RAD51B: variants seen among roughly 807,000 people sequenced by gnomAD.
The protein encoded by RAD51B is RAD51 paralog B.
In RAD51B, 38 loss-of-function variants were observed where a neutral mutation model predicts 42.2. The ratio of observed to expected loss-of-function variants is 0.90; its 90% confidence interval spans 0.70 to 1.18. The LOEUF is 1.18. Ranked by LOEUF, RAD51B falls within the 50% of genes most tolerant of loss-of-function variation. The pLI is 0.00. For missense variants in RAD51B, 373 were observed against 400.7 expected (o/e 0.93, Z 0.59); for synonymous variants, 154 against 145.2 (o/e 1.06, Z -0.43).
intron 10 of RAD51B, among the ~76,000 whole-genome samples, chr14:68,556,049 C>A (rs1594969719): frequency 6.6e-6 from 1 of 152,234 alleles, no homozygotes; most frequent in South Asian, 2.1e-4. Flanking sequence ...ACAGTGAGTT[C>A]CTATTATGAG....
At chr14:68,354,658 T>C (rs2082860952) in intron 8 of RAD51B, among the ~76,000 whole-genome samples, 1 of 152,148 alleles carries the variant, frequency 6.6e-6, no homozygotes, top group South Asian at 2.1e-4. Context: ...CACTTGAGTC[T>C]GGGAGTCCAA....
chr14:67,952,176 C>CA (rs1431480651), intron 7 of RAD51B, among the ~76,000 whole-genome samples: 3 of 147,656 alleles, frequency 2.0e-5, no homozygotes, highest in Admixed American at 1.3e-4. Flanking sequence ...AATTGTTACA[C>CA]AAACCATATG....
Position 67,989,600 on chromosome 14 carries a change from A to G in RAD51B, c.756+102396A>G, listed in dbSNP as rs141227784. Among the ~76,000 whole-genome samples the G allele has an allele frequency of 7.6e-3, 1,083 of 143,260 alleles. 33 individuals are homozygous for G. The highest frequency in any genetic ancestry group is 0.063 in the Admixed American group (852 of 13,624). The allele number at this position is 143,260 out of a possible 152,430, so 94.0% of individuals were successfully genotyped here. A position where few individuals can be genotyped will look rare whatever the true frequency, so the allele number is the denominator to read the frequency against. ...TGGTGACCCAAGATCATGCCATTGC[A>G]CTCCAGGCTGGGCAACAAGAGCGAA... is the stretch of plus-strand genomic sequence containing the variant. On this transcript the variant is annotated intron_variant, in intron 7 of 10. Coordinates refer to ENST00000471583, the MANE Select transcript of RAD51B (RefSeq NM_133510.4).
Position 68,056,431 on chromosome 14 carries a change from G to A in RAD51B, c.756+169227G>A, listed in dbSNP as rs2076476487. Among the ~76,000 whole-genome samples the A allele has an allele frequency of 2.0e-5, 3 of 151,876 alleles. No individual in the cohort carries two copies. The South Asian group carries it at 6.2e-4, about 31-fold the overall frequency. ...CCCAAAGTGCTGGGATTACAGGTGTGAGCCACCACACCAGGACTTAAAGAA... is the reference window on the plus strand; with the variant it reads ...CCCAAAGTGCTGGGATTACAGGTGTAAGCCACCACACCAGGACTTAAAGAA... On this transcript the variant is annotated intron_variant, in intron 7 of 10. Coordinates refer to ENST00000471583, the MANE Select transcript of RAD51B (RefSeq NM_133510.4).
chr14:68,470,596 A>T (rs1182235516), intron 10 of RAD51B: 2 of 508,282 alleles, frequency 3.9e-6, no homozygotes, highest in Admixed American at 4.6e-5. Flanking sequence ...TCATGAAGTG[A>T]AATTGATGAA....
intron 10 of RAD51B, among the ~76,000 whole-genome samples, chr14:68,485,583 A>G (rs916833578): frequency 7.2e-5 from 11 of 152,044 alleles, no homozygotes; most frequent in African/African-American, 2.7e-4. Context: ...TCCATTGAGG[A>G]ACCCTGACCA....
At chr14:68,349,522 C>T (rs373902416) in intron 8 of RAD51B, among the ~76,000 whole-genome samples, 26 of 152,198 alleles carry the variant, frequency 1.7e-4, no homozygotes, top group East Asian at 1.5e-3. Context: ...TCGTGCCCGA[C>T]GCCCAGCTAA....
intron 10 of RAD51B, among the ~76,000 whole-genome samples, chr14:68,623,862 A>C (rs2140117291): frequency 6.6e-6 from 1 of 152,372 alleles, no homozygotes; most frequent in African/African-American, 2.4e-5. Flanking sequence ...ACTGAGATGT[A>C]CTAGGGAAAG....
chr14:68,664,513 G>A (rs971604057), intron 11 of RAD51B, among the ~76,000 whole-genome samples: 1 of 152,060 alleles, frequency 6.6e-6, no homozygotes, highest in Non-Finnish European at 1.5e-5. Context: ...GCTGATATAG[G>A]GCAAAACAAG....
intron 8 of RAD51B, among the ~76,000 whole-genome samples, chr14:68,315,307 G>A (rs2082034542): frequency 6.6e-6 from 1 of 152,154 alleles, no homozygotes; most frequent in Admixed American, 6.5e-5. Context: ...CTTCCACATA[G>A]GAGATTAAAT....
chr14:68,189,448 T>G (rs903501794), intron 7 of RAD51B, among the ~76,000 whole-genome samples: 1 of 152,168 alleles, frequency 6.6e-6, no homozygotes, highest in African/African-American at 2.4e-5. Context: ...AGTTGAGAGA[T>G]TCAACCTAAA....
At chr14:68,557,554 C>G (rs1170542956) in intron 10 of RAD51B, among the ~76,000 whole-genome samples, 1 of 152,298 alleles carries the variant, frequency 6.6e-6, no homozygotes, top group East Asian at 1.9e-4. Context: ...CATAGACTTA[C>G]AATGGTGCTG....
At chr14:68,652,928 C>A (rs928276781) in intron 11 of RAD51B, among the ~76,000 whole-genome samples, 1 of 152,146 alleles carries the variant, frequency 6.6e-6, no homozygotes, top group African/African-American at 2.4e-5. Context: ...ATCACAGGCC[C>A]CTAATTTAAA....
intron 7 of RAD51B, among the ~76,000 whole-genome samples, chr14:68,139,130 GGACT>G (rs1246809519): frequency 2.6e-5 from 4 of 152,022 alleles, no homozygotes; most frequent in African/African-American, 9.7e-5. Flanking sequence ...AGTAATTAAA[GGACT>G]TTCCTCTAGA....
chr14:67,907,407 A>G (rs2043813184), intron 7 of RAD51B, among the ~76,000 whole-genome samples: 1 of 152,112 alleles, frequency 6.6e-6, no homozygotes, highest in South Asian at 2.1e-4. Context: ...CCTTAAAACA[A>G]CAATTATAAT....
intron 10 of RAD51B, among the ~76,000 whole-genome samples, chr14:68,506,205 G>A (rs1022858545): frequency 3.3e-5 from 5 of 152,130 alleles, no homozygotes; most frequent in African/African-American, 7.2e-5. Flanking sequence ...CTGAGCCTCC[G>A]TCCTCCCAGC....
At chr14:68,537,280 C>T (rs1372694651) in intron 10 of RAD51B, among the ~76,000 whole-genome samples, 6 of 151,932 alleles carry the variant, frequency 3.9e-5, no homozygotes, top group Non-Finnish European at 7.4e-5. Context: ...GGGCGGATCA[C>T]GAGGCCAGGA....
intron 8 of RAD51B, among the ~76,000 whole-genome samples, chr14:68,324,317 A>AT (rs2082210092): frequency 2.0e-5 from 3 of 152,236 alleles, no homozygotes; most frequent in Non-Finnish European, 4.4e-5. Context: ...TGAGCCATCC[A>AT]GGCCTCATCT....
At chr14:68,130,235 A>C (rs1367479260) in intron 7 of RAD51B, 1 of 152,222 alleles carries the variant, frequency 6.6e-6, no homozygotes, top group East Asian at 1.9e-4. Context: ...AAAATACAGT[A>C]GTGTGGCTGA....
Sources: gnomAD v4.1 joint callset for allele counts (sites outside exome capture counted in the v4.1 genomes callset) on GRCh38, gnomAD v4.1.1 for gene constraint, MANE v1.5 for transcripts, NCBI Gene and HGNC (gene_info 2026-07-23, HGNC 2026-07-21) for gene names.